DST: variants seen among roughly 807,000 people sequenced by gnomAD.
The protein encoded by DST is dystonin, also known as bullous pemphigoid antigen.
A neutral mutation model predicts 875.2 loss-of-function variants in DST; 253 were observed. That is an observed-to-expected ratio of 0.29 (90% CI 0.26 to 0.32). DST has a LOEUF of 0.32. Among genes scored for constraint, DST ranks in the 10% least tolerant of loss-of-function variants. The pLI, the probability that DST is intolerant of heterozygous loss-of-function variation, is 1.00. For missense variants in DST, 8,287 were observed against 9,111.6 expected (o/e 0.91, Z 3.68); for synonymous variants, 3,124 against 3,197.1 (o/e 0.98, Z 0.77).
chr6:56,526,611 A>T (rs367849015), intron 68 of DST, 44 bp from the exon 69 acceptor site: 5 of 1,571,370 alleles, frequency 3.2e-6, no homozygotes, highest in Non-Finnish European at 4.4e-6. Flanking sequence ...GAGCTTCAAC[A>T]GACTTTTCCT....
chr6:56,540,251 C>T (rs1434386412), intron 61 of DST: 1 of 152,658 alleles, frequency 6.6e-6, no homozygotes, highest in Non-Finnish European at 1.5e-5. Flanking sequence ...ACTTTTGACA[C>T]TGCAGAGTTT....
intron 4 of DST, among the ~76,000 whole-genome samples, chr6:56,828,595 G>A (rs1454394826): frequency 6.6e-6 from 1 of 152,176 alleles, no homozygotes; most frequent in East Asian, 1.9e-4. Flanking sequence ...ACACCAGTAA[G>A]AAACAAAGGA....
intron 69 of DST, among the ~76,000 whole-genome samples, chr6:56,522,465 G>A (rs144012071): frequency 2.0e-4 from 30 of 152,206 alleles, no homozygotes; most frequent in African/African-American, 7.2e-4. Flanking sequence ...CCTTACTGGG[G>A]ATCTTATCAC....
At chr6:56,904,040 T>C (rs1214803467) in intron 2 of DST, among the ~76,000 whole-genome samples, 1 of 152,202 alleles carries the variant, frequency 6.6e-6, no homozygotes, top group Non-Finnish European at 1.5e-5. Context: ...AAAATAGTAA[T>C]TCATAGGGTT....
At chr6:56,642,787 A>G (rs1276727365) in intron 15 of DST, 22 of 1,613,842 alleles carry the variant, frequency 1.4e-5, no homozygotes, top group Admixed American at 5.0e-5. Flanking sequence ...ACTACTGTGC[A>G]TTTTTATTCC....
intron 4 of DST, among the ~76,000 whole-genome samples, chr6:56,832,821 C>A (rs2099788819): frequency 6.6e-6 from 1 of 152,140 alleles, no homozygotes; most frequent in South Asian, 2.1e-4. Flanking sequence ...CTCACTGCAA[C>A]CTCGGCCTCC....
chr6:56,822,304 T>TTAC (rs2153048326), intron 4 of DST, among the ~76,000 whole-genome samples: 1 of 152,220 alleles, frequency 6.6e-6, no homozygotes, highest in African/African-American at 2.4e-5. Context: ...TACCCTCAGC[T>TTAC]TACTGCCTGG....
chr6:56,761,856 A>G (rs1316322718), intron 4 of DST, among the ~76,000 whole-genome samples: 1 of 152,246 alleles, frequency 6.6e-6, no homozygotes, highest in Non-Finnish European at 1.5e-5. Context: ...AATTATATAT[A>G]GAAACTTGAT....
In DST at chr6:56,605,679, A is replaced by G; in HGVS notation, c.8949T>C (p.Phe2983=). 3 of 1,612,960 alleles carry G rather than the reference A, an allele frequency of 1.9e-6. No homozygotes were observed. The highest frequency in any genetic ancestry group is 2.5e-6 in the Non-Finnish European group (3 of 1,179,352). The part of the protein sequence containing the change: ...TDSVKGKDEY[F]KNMTPKVDSS... ...AGTCAACTTTTGGTGTCATATTCTT[A>G]AAATATTCATCTTTACCTTTCACAG... The change falls in exon 40 of 104, where the codon TTT becomes TTC. Residue 2983 remains phenylalanine, a synonymous_variant. Transcript: ENST00000680361.
chr6:56,792,170 G>T (rs112419396), intron 4 of DST, among the ~76,000 whole-genome samples: 21 of 147,374 alleles, frequency 1.4e-4, no homozygotes, highest in African/African-American at 4.2e-4. Flanking sequence ...AGGTTTTTTT[G>T]TTTTTTTTTT....
rs2098500729 is a variant in DST at position 56,606,624 on chromosome 6, G to A, written c.8004C>T (p.Ser2668=). 3 of 1,613,364 alleles carry A rather than the reference G, an allele frequency of 1.9e-6. No individual in the cohort carries two copies. The highest frequency in any genetic ancestry group is 2.5e-6 in the Non-Finnish European group (3 of 1,179,608). ...CAACTGGTGCCCCCTGGGGAACCAT[G>A]GAATTTTCATTCTCTTTTGAGACAT... ...FYDVSKENEN[S]MVPQGAPVGS... The change falls in exon 40 of 104, where the codon TCC becomes TCT. Residue 2668 remains serine, a synonymous_variant. Transcript: ENST00000680361.
At chr6:56,877,702 T>C (rs1411968315) in intron 3 of DST, among the ~76,000 whole-genome samples, 2 of 152,246 alleles carry the variant, frequency 1.3e-5, no homozygotes, top group African/African-American at 4.8e-5. Flanking sequence ...TTTCAACTGA[T>C]ATCCCATAGG....
chr6:56,699,328 T>C (rs2099280433), intron 9 of DST, among the ~76,000 whole-genome samples: 1 of 152,164 alleles, frequency 6.6e-6, no homozygotes, highest in South Asian at 2.1e-4. Flanking sequence ...GGACTAATCA[T>C]AAAACATTTA....
chr6:56,460,014 T>A, intron 103 of DST, 117 bp downstream of exon 103: 2 of 1,293,082 alleles, frequency 1.5e-6, no homozygotes, highest in South Asian at 1.7e-5. Flanking sequence ...ACATATCATT[T>A]TAAGACTACC....
At chr6:56,850,878 C>A (rs1764846945) in intron 4 of DST, among the ~76,000 whole-genome samples, 1 of 152,216 alleles carries the variant, frequency 6.6e-6, no homozygotes, top group Admixed American at 6.5e-5. Flanking sequence ...CAGAAAGCTG[C>A]TATGGATACA....
chr6:56,538,161 T>A (rs978750741), intron 61 of DST, among the ~76,000 whole-genome samples: 20 of 151,884 alleles, frequency 1.3e-4, no homozygotes, highest in Non-Finnish European at 2.1e-4. Context: ...TAAAAGAAAA[T>A]TTTTTTTTGG....
rs573705169 is a variant in DST, at chr6:56,626,708, G to T, written c.4722+496C>A. On this transcript the variant is annotated intron_variant, in intron 34 of 103. Transcript: ENST00000680361. ...GGGGACAAAATCAGAAACATGTAGG[G>T]TGGTCGGGTAATTTCCAAGTCTGTT... 2.0e-5 allele frequency among the ~76,000 whole-genome samples: 3 copies of T among 152,238 alleles called. No individual in the cohort carries two copies. In the South Asian group the frequency reaches 6.2e-4, roughly 32 times the overall value.
In DST at chr6:56,605,088, C is replaced by G. The variant is rs770769273; in HGVS notation, c.9540G>C (p.Leu3180=). 3.7e-6 allele frequency: 6 copies of G among 1,612,746 alleles called. No individual in the cohort carries two copies. The Admixed American group carries it at 6.7e-5, about 18-fold the overall frequency. The change falls in exon 40 of 104, where the codon CTG becomes CTC. Residue 3180 remains leucine, a synonymous_variant. Transcript: ENST00000680361. ...TAGCACAATGTTTTAAGTAAGTAAA[C>G]AGATCAAGCTCTTTCTCAGGTCCAT... The part of the protein sequence containing the change: ...FTDGPEKELD[L]FTYLKHCAKN...
At position 56,703,671 on chromosome 6, in the gene DST, C is replaced by T; in HGVS notation, c.853G>A (p.Asp285Asn). 1 of 985,178 alleles carries T rather than the reference C, an allele frequency of 1.0e-6. No homozygotes were observed. The highest frequency in any genetic ancestry group is 1.2e-6 in the Non-Finnish European group (1 of 829,772). 61.0% of individuals were successfully genotyped at this position (985,178 alleles called of 1,614,324 possible). Residue 285 changes from aspartate (D) to asparagine (N), a missense_variant, in exon 7 of 104, where the codon GAT (aspartate) becomes AAT (asparagine). Transcript: ENST00000680361. ...ACCCCCTTATCCTCATCCTCCACAT[C>T]CTCATGCTGTTCATATTCGCATGCT... ...TEACEYEQHE[D>N]VEDEDKGPRE... is the part of the protein sequence containing the mutation.
Sources: allele counts gnomAD v4.1 joint callset (sites outside exome capture counted in the v4.1 genomes callset), GRCh38; gene constraint gnomAD v4.1.1; transcripts MANE v1.5; gene names NCBI Gene and HGNC (gene_info 2026-07-23, HGNC 2026-07-21).